HS3ST4: variants seen among roughly 807,000 people sequenced by gnomAD.
HS3ST4 encodes heparan sulfate glucosamine 3-O-sulfotransferase 4.
Under a neutral mutation model 29.2 loss-of-function variants are expected in HS3ST4, and 17 were observed. That is an observed-to-expected ratio of 0.58 (90% CI 0.40 to 0.87). The LOEUF (loss-of-function observed/expected upper bound fraction) is 0.87, where lower values mean the gene tolerates loss of function less well. HS3ST4 is among the 40% of genes least tolerant of loss of function. The pLI is 0.00. For missense variants in HS3ST4, 627 were observed against 634.5 expected (o/e 0.99, Z 0.13); for synonymous variants, 314 against 285.7 (o/e 1.10, Z -1.00).
At chr16:25,854,181 T>C (rs919948654) in intron 1 of HS3ST4, among the ~76,000 whole-genome samples, 4 of 152,032 alleles carry the variant, frequency 2.6e-5, no homozygotes, top group Non-Finnish European at 4.4e-5. Context: ...CAATGATAGC[T>C]CACTGCAGTG....
chr16:25,854,200 A>G (rs1402047568), intron 1 of HS3ST4, among the ~76,000 whole-genome samples: 1 of 152,086 alleles, frequency 6.6e-6, no homozygotes, highest in East Asian at 1.9e-4. Context: ...TGGCATAATG[A>G]TAGCTCACTG....
At chr16:26,070,176 G>A (rs1898585974) in intron 1 of HS3ST4, among the ~76,000 whole-genome samples, 1 of 152,192 alleles carries the variant, frequency 6.6e-6, no homozygotes, top group Non-Finnish European at 1.5e-5. Flanking sequence ...CCCACCAACA[G>A]TGTAAAAGTG....
chr16:25,889,381 A>C (rs1967985567), intron 1 of HS3ST4, among the ~76,000 whole-genome samples: 3 of 152,222 alleles, frequency 2.0e-5, no homozygotes, highest in Admixed American at 2.0e-4. Flanking sequence ...TCCCATCGCC[A>C]GACTTGCTAG....
intron 1 of HS3ST4, among the ~76,000 whole-genome samples, chr16:26,084,237 C>A (rs1002779067): frequency 1.3e-5 from 2 of 152,168 alleles, no homozygotes; most frequent in Non-Finnish European, 2.9e-5. Context: ...CATTGCTTAT[C>A]CAAGGTAAAC....
chr16:25,721,617 T>C (rs1300000148), intron 1 of HS3ST4, among the ~76,000 whole-genome samples: 1 of 152,184 alleles, frequency 6.6e-6, no homozygotes, highest in African/African-American at 2.4e-5. Context: ...AGCGTATTTA[T>C]GCACAGACAG....
intron 1 of HS3ST4, among the ~76,000 whole-genome samples, chr16:25,997,407 T>G (rs1282878071): frequency 6.6e-6 from 1 of 152,202 alleles, no homozygotes; most frequent in African/African-American, 2.4e-5. Flanking sequence ...AATCTTTTCG[T>G]GGGCAAATGG....
intron 1 of HS3ST4, among the ~76,000 whole-genome samples, chr16:25,988,163 C>T (rs986593349): frequency 2.6e-5 from 4 of 152,218 alleles, no homozygotes; most frequent in Admixed American, 2.6e-4. Context: ...GCACGCCTGT[C>T]TTCCATGAGC....
intron 1 of HS3ST4, among the ~76,000 whole-genome samples, chr16:26,114,434 C>T (rs1382901773): frequency 6.6e-6 from 1 of 152,142 alleles, no homozygotes; most frequent in Non-Finnish European, 1.5e-5. Context: ...TGCAAAGACA[C>T]GTTATAGCAT....
At chr16:26,023,059 A>C (rs997457340) in intron 1 of HS3ST4, among the ~76,000 whole-genome samples, 3 of 152,162 alleles carry the variant, frequency 2.0e-5, no homozygotes, top group African/African-American at 7.2e-5. Flanking sequence ...AAGAAGAAGA[A>C]AAAAAACCAA....
At position 25,876,588 on chromosome 16, in the gene HS3ST4, T is replaced by A. The variant is rs543608125; in HGVS notation, c.734+183437T>A. Among the ~76,000 whole-genome samples, 19 of 152,264 alleles carry A rather than the reference T, an allele frequency of 1.2e-4. No individual in the cohort carries two copies. In the South Asian group the frequency reaches 3.9e-3, roughly 32 times the overall value. On this transcript the variant is annotated intron_variant, in intron 1 of 1. Transcript: ENST00000331351. Reference sequence around the variant, plus strand: ...CTGTCCCCTCATCTCTTATTGGTTCTAATTAGTCAAGAAAATGGAATATGT... The same window carrying A: ...CTGTCCCCTCATCTCTTATTGGTTCAAATTAGTCAAGAAAATGGAATATGT...
chr16:25,906,317 A>G (rs766582702), intron 1 of HS3ST4, among the ~76,000 whole-genome samples: 2 of 152,220 alleles, frequency 1.3e-5, no homozygotes, highest in Admixed American at 1.3e-4. Flanking sequence ...GTGCTTTTCA[A>G]GCAAATTCAA....
intron 1 of HS3ST4, among the ~76,000 whole-genome samples, chr16:26,033,072 G>A (rs1596657175): frequency 6.6e-6 from 1 of 152,112 alleles, no homozygotes; most frequent in African/African-American, 2.4e-5. Flanking sequence ...GACAGACTGC[G>A]AAATTAAGTG....
At chr16:25,905,638 C>G (rs1968171530) in intron 1 of HS3ST4, among the ~76,000 whole-genome samples, 1 of 152,090 alleles carries the variant, frequency 6.6e-6, no homozygotes, top group Non-Finnish European at 1.5e-5. Flanking sequence ...TTGGTAGCCA[C>G]CTGGATGTGA....
At chr16:25,856,292 G>A (rs1967573335) in intron 1 of HS3ST4, among the ~76,000 whole-genome samples, 1 of 151,974 alleles carries the variant, frequency 6.6e-6, no homozygotes, top group Admixed American at 6.6e-5. Context: ...TTCAAGACTG[G>A]GGTCACCAGA....
At chr16:26,132,007 T>G (rs1392351334) in intron 1 of HS3ST4, among the ~76,000 whole-genome samples, 1 of 152,224 alleles carries the variant, frequency 6.6e-6, no homozygotes, top group African/African-American at 2.4e-5. Flanking sequence ...CTTCTGGTCC[T>G]GTTTCCTTCT....
intron 1 of HS3ST4, among the ~76,000 whole-genome samples, chr16:25,882,226 C>T (rs1297147075): frequency 6.6e-6 from 1 of 152,176 alleles, no homozygotes; most frequent in African/African-American, 2.4e-5. Context: ...CTTTGAGAAG[C>T]CTCCTCCAGC....
At chr16:26,101,471 C>T in intron 1 of HS3ST4, among the ~76,000 whole-genome samples, 1 of 152,224 alleles carries the variant, frequency 6.6e-6, no homozygotes, top group East Asian at 1.9e-4. Context: ...AGGCAGAGAA[C>T]TTGTCCATCA....
chr16:25,889,398 T>C (rs1967985967), intron 1 of HS3ST4, among the ~76,000 whole-genome samples: 2 of 152,146 alleles, frequency 1.3e-5, no homozygotes, highest in Admixed American at 6.5e-5. Flanking sequence ...CTAGAGAAGA[T>C]TGAAATTTAG....
At chr16:25,783,134 T>C (rs1966854207) in intron 1 of HS3ST4, among the ~76,000 whole-genome samples, 1 of 152,226 alleles carries the variant, frequency 6.6e-6, no homozygotes. Flanking sequence ...TTTTTTCTTT[T>C]TATTTTGTGG....
Sources: allele counts gnomAD v4.1 joint callset (sites outside exome capture counted in the v4.1 genomes callset), GRCh38; gene constraint gnomAD v4.1.1; transcripts MANE v1.5; gene names NCBI Gene and HGNC (gene_info 2026-07-23, HGNC 2026-07-21).